Variants in ANKRD30A observed in about 807,000 individuals in gnomAD.
The protein encoded by ANKRD30A is ankyrin repeat domain-containing protein 30A.
A neutral mutation model predicts 166.3 loss-of-function variants in ANKRD30A; 170 were observed. The ratio of observed to expected loss-of-function variants is 1.02; its 90% CI spans 0.90 to 1.16. The LOEUF (loss-of-function observed/expected upper bound fraction) is 1.16, where lower values mean the gene tolerates loss of function less well. Among genes scored for constraint, ANKRD30A ranks in the 50% most tolerant of loss-of-function variants. The pLI, the probability that ANKRD30A is intolerant of heterozygous loss-of-function variation, is 0.00. For missense variants in ANKRD30A, 1,630 were observed against 1,518.0 expected (o/e 1.07, Z -1.23); for synonymous variants, 564 against 508.9 (o/e 1.11, Z -1.46).
chr10:37,199,668 T>G (rs1221091346), intron 29 of ANKRD30A, 59 bp from the exon 30 acceptor site: 1 of 1,160,820 alleles, frequency 8.6e-7, no homozygotes, highest in Admixed American at 2.0e-5. Context: ...TGTATATGTT[T>G]TTAAAATGTA....
chr10:37,147,430 G>A lies in ANKRD30A; in HGVS notation c.1516G>A (p.Val506Ile). The A allele has an allele frequency of 5.7e-6, 9 of 1,591,850 alleles. No homozygotes were observed. Among genetic ancestry groups the A allele is most frequent in the Non-Finnish European group, 7.7e-6 (9 of 1,169,864 alleles). The change falls in exon 9 of 36, where the codon GTA becomes ATA. Residue 506 changes from valine (V) to isoleucine (I), a missense_variant. Physicochemically the swap from Val to Ile is conservative, Grantham distance 29 (BLOSUM62 3). Coordinates refer to ENST00000361713, the MANE Select transcript of ANKRD30A (RefSeq NM_052997.3). ...TATACCTGAGTCTATATATCAAAAA[G>A]TAATGGAGATAAATAGAGAAGTAGA... ...VCIPESIYQK[V>I]MEINREVEEP...
chr10:37,227,260 T>C (rs932631546), intron 34 of ANKRD30A, among the ~76,000 whole-genome samples: 10 of 152,098 alleles, frequency 6.6e-5, no homozygotes, highest in South Asian at 4.1e-4. Flanking sequence ...AAGAAACTTA[T>C]AGTTTTAGCT....
rs567875345 is a variant in ANKRD30A, at chr10:37,197,741, T to A, written c.2716+261T>A. Among the ~76,000 whole-genome samples the A allele has an allele frequency of 1.4e-3, 214 of 152,310 alleles. 2 individuals are homozygous for A. Among genetic ancestry groups the A allele is most frequent in the African/African-American group, 5.0e-3 (209 of 41,594 alleles). ...TGTAATGTTTTCTATTTTGAACTTC[T>A]GTATTTCTTAAAGATTCAAGAAGGT... On this transcript the variant is annotated intron_variant, in intron 29 of 35. Coordinates refer to ENST00000361713, the MANE Select transcript of ANKRD30A (RefSeq NM_052997.3).
At chr10:37,251,948 G>C in the ANKRD30A span, among the ~76,000 whole-genome samples, 1 of 152,020 alleles carries the variant, frequency 6.6e-6, no homozygotes, top group African/African-American at 2.4e-5. Flanking sequence ...CCTAGCCTTT[G>C]ATCTAAAAAC....
chr10:37,161,999 A>G (rs1377383169), intron 15 of ANKRD30A, among the ~76,000 whole-genome samples: 7 of 152,164 alleles, frequency 4.6e-5, no homozygotes, highest in Admixed American at 4.6e-4. Flanking sequence ...TTTTTATATA[A>G]ATATGTCAAT....
At position 37,132,261 on chromosome 10, in the gene ANKRD30A, C is replaced by G. The variant is rs1365338328; in HGVS notation, c.532C>G (p.Leu178Val). Residue 178 changes from leucine to valine, a missense_variant, in exon 4 of 36, where the codon CTA (leucine) becomes GTA (valine). By Grantham distance (32) the Leu-to-Val change is conservative. Transcript: ENST00000361713. ...ACAGGCTAGCCTCACACCACTTTTA[C>G]TATCCATAACGAAAAGAAGTGAGCA... The part of the protein sequence containing the change: ...HNKASLTPLL[L>V]SITKRSEQIV... 6.3e-7 allele frequency: 1 copy of G among 1,595,864 alleles called. No individual in the cohort carries two copies. The highest frequency in any genetic ancestry group is 8.5e-7 in the Non-Finnish European group (1 of 1,173,234).
At chr10:37,152,646 C>T (rs1480194385) in intron 12 of ANKRD30A, among the ~76,000 whole-genome samples, 5 of 151,964 alleles carry the variant, frequency 3.3e-5, no homozygotes, top group African/African-American at 1.2e-4. Context: ...AATAGGAAAC[C>T]TTGTGGGAGT....
intron 8 of ANKRD30A, among the ~76,000 whole-genome samples, chr10:37,146,838 T>C (rs1837542534): frequency 6.6e-6 from 1 of 152,232 alleles, no homozygotes; most frequent in Non-Finnish European, 1.5e-5. Context: ...CCTTCCTTTA[T>C]GACTACTTTA....
At chr10:37,211,183 C>T (rs560012479) in intron 31 of ANKRD30A, among the ~76,000 whole-genome samples, 1 of 151,874 alleles carries the variant, frequency 6.6e-6, no homozygotes, top group Non-Finnish European at 1.5e-5. Context: ...GGTACATGTG[C>T]ATAACATGCA....
intron 30 of ANKRD30A, 109 bp from the exon 31 acceptor site, chr10:37,201,126 T>A: frequency 2.3e-6 from 2 of 854,420 alleles, no homozygotes; most frequent in Non-Finnish European, 3.4e-6. Flanking sequence ...GTTGAATTGC[T>A]TGCAAAATAG....
chr10:37,205,274 A>C (rs556035070), intron 31 of ANKRD30A, among the ~76,000 whole-genome samples: 1 of 152,300 alleles, frequency 6.6e-6, no homozygotes, highest in African/African-American at 2.4e-5. Context: ...CAGCCATAAA[A>C]AAGGATGTGT....
chr10:37,193,338 A>G (rs1482377583), intron 27 of ANKRD30A, 80 bp downstream of exon 27: 11 of 1,451,266 alleles, frequency 7.6e-6, no homozygotes, highest in East Asian at 7.2e-5. Flanking sequence ...TTCATTCCCA[A>G]TGTTGTTTTC....
chr10:37,207,122 A>G (rs1842039389), intron 31 of ANKRD30A, among the ~76,000 whole-genome samples: 1 of 152,156 alleles, frequency 6.6e-6, no homozygotes, highest in Non-Finnish European at 1.5e-5. Context: ...AAATTACACC[A>G]TGTGTATGGA....
At position 37,125,883 on chromosome 10, in the gene ANKRD30A, C is replaced by A; in HGVS notation, c.96C>A (p.Tyr32Ter). 6.5e-7 allele frequency: 1 copy of A among 1,548,860 alleles called. No homozygotes were observed. The highest frequency in any genetic ancestry group is 8.9e-7 in the Non-Finnish European group (1 of 1,124,464). ...TAGTCTATACCAGCAACGACTCCTACATCGTCCACTCTGGGGATCTTAGAA... is the reference window on the plus strand; with the variant it reads ...TAGTCTATACCAGCAACGACTCCTAAATCGTCCACTCTGGGGATCTTAGAA... ...SQLVYTSNDS[Y>*]IVHSGDLRKI... The change falls in exon 1 of 36, where the codon TAC (tyrosine) becomes TAA (stop). Residue 32 changes from tyrosine (Y) to a stop codon, truncating the protein, a stop_gained. Transcript: ENST00000361713. LOFTEE classifies it high-confidence loss of function.
In ANKRD30A at chr10:37,125,654, A is replaced by T; in HGVS notation, c.-134A>T. The T allele has an allele frequency of 1.7e-5, 7 of 400,030 alleles. No homozygotes were observed. Among genetic ancestry groups the T allele is most frequent in the East Asian group, 9.5e-5 (2 of 21,056 alleles). The allele number at this position is 400,030 out of a possible 1,614,324, so 24.8% of individuals were successfully genotyped here. A position where few individuals can be genotyped will look rare whatever the true frequency, so the allele number is the denominator to read the frequency against. ...GCCTGAGTGTGCAAGAGCTTGGCGA[A>T]CACAGAACTTTTTACGGGTATCGAG... is the stretch of plus-strand genomic sequence containing the variant. On this transcript the variant is annotated 5_prime_UTR_variant, in exon 1 of 36. Coordinates refer to ENST00000361713, the MANE Select transcript of ANKRD30A (RefSeq NM_052997.3).
intron 5 of ANKRD30A, 96 bp downstream of exon 5, chr10:37,134,149 G>A (rs1358752289): frequency 2.1e-6 from 3 of 1,424,554 alleles, no homozygotes; most frequent in South Asian, 2.6e-5. Flanking sequence ...CAGAAACTAG[G>A]CAAAAAGCTA....
intron 11 of ANKRD30A, among the ~76,000 whole-genome samples, chr10:37,151,707 C>T (rs1837950210): frequency 6.6e-6 from 1 of 151,786 alleles, no homozygotes; most frequent in Non-Finnish European, 1.5e-5. Flanking sequence ...TATAAATTTA[C>T]AAAGAAAAGA....
Position 37,194,738 on chromosome 10 carries a change from C to T in ANKRD30A, c.2614+1480C>T, listed in dbSNP as rs190423141. 2.0e-4 allele frequency among the ~76,000 whole-genome samples: 30 copies of T among 152,236 alleles called. 1 individual carries two copies. The highest frequency in any genetic ancestry group is 6.7e-4 in the African/African-American group (28 of 41,534). On this transcript the variant is annotated intron_variant, in intron 27 of 35. Transcript: ENST00000361713. ...TCGAATATTTTAGATGGACCCAATA[C>T]AATTAGCTCTGCTTTGATTTAAGAC...
chr10:37,254,850 T>C, the ANKRD30A span, among the ~76,000 whole-genome samples: 2 of 152,042 alleles, frequency 1.3e-5, no homozygotes, highest in South Asian at 4.1e-4. Flanking sequence ...ACCCAGCTAA[T>C]TTTTTGTGTT....
Sources: gnomAD v4.1 joint callset for allele counts (sites outside exome capture counted in the v4.1 genomes callset) on GRCh38, gnomAD v4.1.1 for gene constraint, MANE v1.5 for transcripts, NCBI Gene and HGNC (gene_info 2026-07-23, HGNC 2026-07-21) for gene names.